CNOT9: variants seen among roughly 807,000 people sequenced by gnomAD.
CNOT9 encodes CCR4-NOT transcription complex subunit 9, also known as RCD1 required for cell differentiation1 homolog.
A neutral mutation model predicts 37.4 loss-of-function variants in CNOT9; 8 were observed. That is an observed-to-expected ratio of 0.21 (90% confidence interval 0.13 to 0.39). The LOEUF is 0.39. CNOT9 is among the 10% of genes least tolerant of loss of function. The pLI is 1.00. For missense variants in CNOT9, 154 were observed against 365.3 expected (o/e 0.42, Z 4.71); for synonymous variants, 120 against 137.6 (o/e 0.87, Z 0.90).
intron 3 of CNOT9, among the ~76,000 whole-genome samples, chr2:218,583,969 T>C (rs1694501596): frequency 6.6e-6 from 1 of 152,264 alleles, no homozygotes; most frequent in South Asian, 2.1e-4. Flanking sequence ...TATTAAAGTA[T>C]AGCAGGTAAG....
intron 7 of CNOT9, chr2:218,593,144 C>G (rs549151392): frequency 8.8e-5 from 20 of 227,276 alleles, no homozygotes; most frequent in South Asian, 4.6e-4. Context: ...TGCTTATGTT[C>G]ATAATCTTTC....
chr2:218,571,933 A>G (rs188709492), intron 1 of CNOT9, among the ~76,000 whole-genome samples: 87 of 151,988 alleles, frequency 5.7e-4, no homozygotes, highest in Non-Finnish European at 8.5e-4. Flanking sequence ...TCATATATTC[A>G]TTACCGCTAC....
rs1221434272 is a variant in CNOT9 at position 218,595,501 on chromosome 2, C to T, written c.*1225C>T. On this transcript the variant is annotated 3_prime_UTR_variant, in exon 8 of 8. Transcript: ENST00000273064. ...AAATATTCACTTGTTCATATCGTGT[C>T]AGAGATTTCCTCTTCTCTGGAGCTT... The T allele has an allele frequency of 7.5e-6, 1 of 133,070 alleles. No individual in the cohort carries two copies. 8.2% of individuals were successfully genotyped at this position (133,070 alleles called of 1,614,324 possible).
In CNOT9 at chr2:218,580,971, A is replaced by G. The variant is rs147458382; in HGVS notation, c.204+231A>G. On this transcript the variant is annotated intron_variant, in intron 2 of 7. Coordinates refer to ENST00000273064, the MANE Select transcript of CNOT9 (RefSeq NM_005444.3). The stretch of plus-strand genomic sequence containing the variant: ...AGGTGGGCCCTATAATCTATATTTT[A>G]ATAAGCACTTTCACCTCCCCCAGGT... 8.3e-4 allele frequency: 511 copies of G among 612,566 alleles called. 4 individuals carry two copies. Among genetic ancestry groups the G allele is most frequent in the African/African-American group, 8.3e-3 (461 of 55,470 alleles). 37.9% of individuals were successfully genotyped at this position (612,566 alleles called of 1,614,324 possible). A position where few individuals can be genotyped will look rare whatever the true frequency, so the allele number is the denominator to read the frequency against.
intron 7 of CNOT9, 163 bp from the exon 8 acceptor site, chr2:218,593,945 A>C: frequency 1.0e-6 from 1 of 958,162 alleles, no homozygotes; most frequent in Non-Finnish European, 1.5e-6. Flanking sequence ...GAGATCTCTA[A>C]GCCTATGCCT....
intron 4 of CNOT9, 60 bp downstream of exon 4, chr2:218,584,781 T>C (rs1694533948): frequency 1.7e-6 from 2 of 1,204,674 alleles, no homozygotes; most frequent in Admixed American, 1.7e-5. Flanking sequence ...CTAAGTTGGG[T>C]GTTTTGTCTT....
Position 218,595,404 on chromosome 2 carries a change from C to CTTTTTTTTTTTTTT in CNOT9, c.*1143_*1156dup, listed in dbSNP as rs57839540. 9 of 50,942 alleles carry CTTTTTTTTTTTTTT rather than the reference C, an allele frequency of 1.8e-4. 1 individual carries two copies. Among genetic ancestry groups the CTTTTTTTTTTTTTT allele is most frequent in the African/African-American group, 3.7e-4 (6 of 16,130 alleles). 3.2% of individuals were successfully genotyped at this position (50,942 alleles called of 1,614,324 possible). On this transcript the variant is annotated 3_prime_UTR_variant, in exon 8 of 8. Coordinates refer to ENST00000273064, the MANE Select transcript of CNOT9 (RefSeq NM_005444.3). ...GAGGGCTGGGTTCTGCTCACTCAGT[C>CTTTTTTTTTTTTTT]TTTTTTTTTTTTTTTTTTTTTTTTT...
chr2:218,569,118 C>T (rs1332079438), intron 1 of CNOT9, 140 bp downstream of exon 1: 4 of 904,982 alleles, frequency 4.4e-6, no homozygotes, highest in Non-Finnish European at 6.7e-6. Context: ...TTCCCCTCCT[C>T]GGCACGCTTT....
At chr2:218,585,440 G>A (rs1694556295) in intron 4 of CNOT9, among the ~76,000 whole-genome samples, 1 of 151,488 alleles carries the variant, frequency 6.6e-6, no homozygotes, top group Non-Finnish European at 1.5e-5. Flanking sequence ...GGGCGTGGTG[G>A]CATGTGCCTG....
rs1223363126 is a variant in CNOT9, at chr2:218,580,561, C to T, written c.25C>T (p.Pro9Ser). 6.2e-7 allele frequency: 1 copy of T among 1,605,714 alleles called. No homozygotes were observed. Among genetic ancestry groups the T allele is most frequent in the Admixed American group, 1.7e-5 (1 of 58,282 alleles). The change falls in exon 2 of 8, where the codon CCT (proline) becomes TCT (serine). Residue 9 changes from proline (P) to serine (S), a missense_variant and splice_region_variant. This residue lies in a region of CNOT9 where 37 missense variants were observed against 39.9 expected (regional missense o/e 0.93). Transcript: ENST00000273064. ...TTTACTTTCTTGTCTTCATCTGAAG[C>T]CTGTGCCTACTACACTGGCACAAGT... Reference protein sequence around the residue: MHSLATAAPVPTTLAQVDR... With the variant: MHSLATAASVPTTLAQVDR...
At chr2:218,571,987 C>A (rs1316097672) in intron 1 of CNOT9, among the ~76,000 whole-genome samples, 4 of 151,958 alleles carry the variant, frequency 2.6e-5, no homozygotes, top group Non-Finnish European at 5.9e-5. Context: ...TAAATAAGGA[C>A]AGAAGTACCA....
intron 1 of CNOT9, among the ~76,000 whole-genome samples, chr2:218,571,715 G>A (rs1304466049): frequency 6.7e-6 from 1 of 149,716 alleles, no homozygotes; most frequent in Admixed American, 6.7e-5. Context: ...GGGATTACAG[G>A]CATTAGCCAC....
intron 1 of CNOT9, 112 bp from the exon 2 acceptor site, chr2:218,580,449 A>G: frequency 1.1e-6 from 1 of 872,262 alleles, no homozygotes; most frequent in Non-Finnish European, 1.7e-6. Context: ...ATGTATTTAG[A>G]AACGCTCCCC....
In CNOT9 at chr2:218,595,262, A is replaced by G. The variant is rs928966436; in HGVS notation, c.*986A>G. On this transcript the variant is annotated 3_prime_UTR_variant, in exon 8 of 8. Coordinates refer to ENST00000273064, the MANE Select transcript of CNOT9 (RefSeq NM_005444.3). ...AAGGGAGGTGCTTGGGATTAAGGTG[A>G]CAGTCCACTTGATCCTTTTCTTTGT... 6.6e-6 allele frequency: 1 copy of G among 152,154 alleles called. No homozygotes were observed. The highest frequency in any genetic ancestry group is 2.4e-5 in the African/African-American group (1 of 41,432). 9.4% of individuals were successfully genotyped at this position (152,154 alleles called of 1,614,324 possible). A position where few individuals can be genotyped will look rare whatever the true frequency, so the allele number is the denominator to read the frequency against.
At chr2:218,572,617 T>C in intron 1 of CNOT9, 1 of 929,668 alleles carries the variant, frequency 1.1e-6, no homozygotes, top group Non-Finnish European at 1.3e-6. Flanking sequence ...GGCGACATAG[T>C]GAGACCCTGT....
chr2:218,593,658 C>T lies in CNOT9; in HGVS notation c.732-450C>T, dbSNP rs181958965. On this transcript the variant is annotated intron_variant, in intron 7 of 7. Coordinates refer to ENST00000273064, the MANE Select transcript of CNOT9 (RefSeq NM_005444.3). ...CTTATTAAGGTTTTTAACCATAAAA[C>T]TGAAGCAATTTCTGTAAAGACACAA... 385 of 1,317,706 alleles carry T rather than the reference C, an allele frequency of 2.9e-4. 4 individuals carry two copies. The East Asian group carries it at 9.6e-3, about 33-fold the overall frequency. 81.6% of individuals were successfully genotyped at this position (1,317,706 alleles called of 1,614,324 possible). A position where few individuals can be genotyped will look rare whatever the true frequency, so the allele number is the denominator to read the frequency against.
rs1231058793 is a variant in CNOT9 at position 218,596,907 on chromosome 2, C to G, written c.*2631C>G. 21 of 152,142 alleles carry G rather than the reference C, an allele frequency of 1.4e-4. No individual in the cohort carries two copies. Among genetic ancestry groups the G allele is most frequent in the Admixed American group, 1.4e-3 (21 of 15,266 alleles). The allele number at this position is 152,142 out of a possible 1,614,324, so 9.4% of individuals were successfully genotyped here. A position where few individuals can be genotyped will look rare whatever the true frequency, so the allele number is the denominator to read the frequency against. On this transcript the variant is annotated 3_prime_UTR_variant, in exon 8 of 8. Transcript: ENST00000273064. ...TGCTTCCACGTTCTTTTTTCAAGAG[C>G]CTTAGAGGGCCTGTGGCCTGTTTCA...
rs759865221 is a variant in CNOT9, at chr2:218,580,620, G to T, written c.84G>T (p.Glu28Asp). ...DREKIYQWINELSSPETRENA... is the reference protein window; with the variant it reads ...DREKIYQWINDLSSPETRENA... The stretch of plus-strand genomic sequence containing the variant: ...AAAAGATCTATCAGTGGATCAATGA[G>T]CTGTCCAGTCCTGAGACTAGGGAAA... Residue 28 changes from glutamate (E) to aspartate (D), a missense_variant, in exon 2 of 8, where the codon GAG becomes GAT. Glu to Asp is a conservative substitution (Grantham distance 45). Transcript: ENST00000273064. 6 of 1,613,986 alleles carry T rather than the reference G, an allele frequency of 3.7e-6. No homozygotes were observed. Among genetic ancestry groups the T allele is most frequent in the Non-Finnish European group, 5.1e-6 (6 of 1,179,878 alleles).
At chr2:218,581,902 C>T (rs867837372) in intron 2 of CNOT9, among the ~76,000 whole-genome samples, 5 of 151,658 alleles carry the variant, frequency 3.3e-5, no homozygotes, top group Middle Eastern at 3.4e-3. Flanking sequence ...GGCAACATGG[C>T]GAAACACCAT....
Sources: allele counts gnomAD v4.1 joint callset (sites outside exome capture counted in the v4.1 genomes callset), GRCh38; gene constraint gnomAD v4.1.1; regional missense constraint gnomAD v4.1.1; transcripts MANE v1.5; gene names NCBI Gene and HGNC (gene_info 2026-07-23, HGNC 2026-07-21).